The following DLG2 variants were observed in gnomAD, a reference collection of about 807,000 sequenced individuals.
DLG2 encodes discs large MAGUK scaffold protein 2, also known as disks large homolog 2.
DLG2 carries 45 observed loss-of-function variants against 132.5 expected under a neutral mutation model. The observed-to-expected ratio is 0.34, with a 90% CI of 0.27 to 0.44. DLG2 has a LOEUF of 0.44. Among genes scored for constraint, DLG2 ranks in the 20% least tolerant of loss-of-function variants. DLG2 has a pLI of 1.00. For missense variants in DLG2, 1,045 were observed against 1,196.9 expected, an observed-to-expected ratio of 0.87 and a Z score of 1.87; for synonymous variants, 424 against 419.6, an observed-to-expected ratio of 1.01 and a Z score of -0.13.
chr11:85,532,169 A>G (rs58757261), intron 3 of DLG2, among the ~76,000 whole-genome samples: 33,326 of 152,140 alleles, frequency 0.22, 4,311 homozygotes, highest in African/African-American at 0.34. Context: ...CAGTATATAC[A>G]AAAGAAAAAG....
chr11:83,502,861 G>A (rs965514918), intron 21 of DLG2, among the ~76,000 whole-genome samples: 5 of 151,908 alleles, frequency 3.3e-5, no homozygotes, highest in African/African-American at 7.3e-5. Context: ...TTCCATTGCT[G>A]TCTCCCCAGT....
At chr11:84,378,093 T>C (rs2098736176) in intron 7 of DLG2, among the ~76,000 whole-genome samples, 2 of 151,256 alleles carry the variant, frequency 1.3e-5, no homozygotes, top group African/African-American at 4.8e-5. Flanking sequence ...CAAATTCATA[T>C]ATTGAAGCCG....
rs138851203 is a variant in DLG2 at position 85,285,268 on chromosome 11, C to T, written c.138G>A (p.Lys46=). 1 of 1,611,982 alleles carries T rather than the reference C, an allele frequency of 6.2e-7. No individual in the cohort carries two copies. The highest frequency in any genetic ancestry group is 2.2e-5 in the East Asian group (1 of 44,792). The change falls in exon 4 of 28, where the codon AAG becomes AAA. Residue 46 remains lysine, a synonymous_variant. Transcript: ENST00000376104. ...CATGGCACGGAGCAAGAAGGGATGT[C>T]TTCTCCCATTTCTGTAAAACTTGAT... The part of the protein sequence containing the change: ...EANQVLQKWE[K]TSLLAPCHDR...
chr11:85,481,686 C>T (rs1249900844), intron 3 of DLG2, among the ~76,000 whole-genome samples: 4 of 152,132 alleles, frequency 2.6e-5, no homozygotes, highest in African/African-American at 9.7e-5. Context: ...CCCAGTGGCC[C>T]CAGTCTGTAG....
chr11:83,459,771 GTTC>G lies in DLG2; in HGVS notation c.*44_*46del, dbSNP rs772921080. On this transcript the variant is annotated 3_prime_UTR_variant, in exon 28 of 28. Coordinates refer to ENST00000376104, the MANE Select transcript of DLG2 (RefSeq NM_001142699.3). ...CCAAGTAGTATGTTATATATATTTT[GTTC>G]TTCTAAATGCTCTTCTGTCGTTGTC... 78 of 1,014,816 alleles carry G rather than the reference GTTC, an allele frequency of 7.7e-5. No homozygotes were observed. The highest frequency in any genetic ancestry group is 2.1e-4 in the Middle Eastern group (1 of 4,840). The allele number at this position is 1,014,816 out of a possible 1,614,324, so 62.9% of individuals were successfully genotyped here. A position where few individuals can be genotyped will look rare whatever the true frequency, so the allele number is the denominator to read the frequency against.
intron 4 of DLG2, among the ~76,000 whole-genome samples, chr11:85,269,778 T>C (rs540297767): frequency 6.6e-6 from 1 of 152,348 alleles, no homozygotes; most frequent in East Asian, 1.9e-4. Context: ...TTTGTGATTA[T>C]TGTCCAGGAA....
rs536611544 is a variant in DLG2 at position 85,009,887 on chromosome 11, C to T, written c.357+101774G>A. Among the ~76,000 whole-genome samples, 8 of 152,198 alleles carry T rather than the reference C, an allele frequency of 5.3e-5. No individual in the cohort carries two copies. In the South Asian group the frequency reaches 1.7e-3, roughly 32 times the overall value. On this transcript the variant is annotated intron_variant, in intron 6 of 27. Transcript: ENST00000376104. The stretch of plus-strand genomic sequence containing the variant: ...TTCCTTAGGGCCACATAAAAAGTCC[C>T]TAAACCAGCATATGTAAATGCATCT...
At chr11:84,189,169 G>A (rs959800617) in intron 8 of DLG2, among the ~76,000 whole-genome samples, 1 of 151,938 alleles carries the variant, frequency 6.6e-6, no homozygotes, top group African/African-American at 2.4e-5. Flanking sequence ...GGTAAATAAC[G>A]AAATTAAGTC....
chr11:85,545,411 C>T (rs564264493), intron 3 of DLG2, among the ~76,000 whole-genome samples: 17 of 152,108 alleles, frequency 1.1e-4, no homozygotes, highest in South Asian at 6.2e-4. Context: ...TGAGGATTTT[C>T]GCATCAACAT....
intron 3 of DLG2, among the ~76,000 whole-genome samples, chr11:85,529,706 T>A (rs2075051485): frequency 6.6e-6 from 1 of 152,176 alleles, no homozygotes; most frequent in South Asian, 2.1e-4. Flanking sequence ...GATATAACTT[T>A]GCACATAAAA....
At chr11:84,955,176 A>C (rs995986231) in intron 6 of DLG2, among the ~76,000 whole-genome samples, 2 of 152,222 alleles carry the variant, frequency 1.3e-5, no homozygotes, top group African/African-American at 4.8e-5. Context: ...TACTTGTTTT[A>C]CATTGCAGTA....
chr11:83,793,332 T>C, intron 17 of DLG2, among the ~76,000 whole-genome samples: 1 of 152,298 alleles, frequency 6.6e-6, no homozygotes, highest in South Asian at 2.1e-4. Flanking sequence ...GGCTCTTAAG[T>C]TTTAGATTAT....
intron 17 of DLG2, chr11:83,790,923 T>C (rs7130838): frequency 0.14 from 129,546 of 915,116 alleles, 11,490 homozygotes; most frequent in African/African-American, 0.3. Flanking sequence ...CTGAATGTAG[T>C]CCTGAGGCAG....
chr11:85,518,444 A>G (rs2094212423), intron 3 of DLG2, among the ~76,000 whole-genome samples: 1 of 152,310 alleles, frequency 6.6e-6, no homozygotes, highest in Admixed American at 6.5e-5. Flanking sequence ...AGATTTGTAG[A>G]ACTTTCAACT....
intron 7 of DLG2, among the ~76,000 whole-genome samples, chr11:84,523,131 C>G (rs181564441): frequency 2.0e-5 from 3 of 152,252 alleles, no homozygotes; most frequent in Admixed American, 2.0e-4. Flanking sequence ...ACTGAGAGCT[C>G]AAAGAGTTAA....
At chr11:85,174,103 G>A (rs955808174) in intron 4 of DLG2, among the ~76,000 whole-genome samples, 2 of 152,108 alleles carry the variant, frequency 1.3e-5, no homozygotes, top group Admixed American at 1.3e-4. Flanking sequence ...CCTGAACTCA[G>A]CTCTGGATCA....
chr11:84,016,005 TA>T (rs1279005606), intron 11 of DLG2, among the ~76,000 whole-genome samples: 1 of 152,194 alleles, frequency 6.6e-6, no homozygotes, highest in African/African-American at 2.4e-5. Context: ...ACCAACAGTG[TA>T]AAAGCATTCC....
intron 3 of DLG2, among the ~76,000 whole-genome samples, chr11:85,294,966 A>G (rs1326485694): frequency 6.6e-6 from 1 of 152,166 alleles, no homozygotes; most frequent in Non-Finnish European, 1.5e-5. Context: ...TTTTAATTCA[A>G]AATATCTCCT....
Position 84,408,787 on chromosome 11 carries a change from C to T in DLG2, c.519+125783G>A, listed in dbSNP as rs529700050. The stretch of plus-strand genomic sequence containing the variant: ...TTGACCACTTATATCCAGGCAGTCA[C>T]CATTTCAATTTCAAGACCTAAAACA... On this transcript the variant is annotated intron_variant, in intron 7 of 27. Transcript: ENST00000376104. 3.9e-5 allele frequency among the ~76,000 whole-genome samples: 6 copies of T among 152,222 alleles called. No individual in the cohort carries two copies. The South Asian group carries it at 1.2e-3, about 32-fold the overall frequency.
Sources: gnomAD v4.1 joint callset for allele counts (sites outside exome capture counted in the v4.1 genomes callset) on GRCh38, gnomAD v4.1.1 for gene constraint, MANE v1.5 for transcripts, NCBI Gene and HGNC (gene_info 2026-07-23, HGNC 2026-07-21) for gene names.